The following GBE1 variants were observed in gnomAD, a reference collection of about 807,000 sequenced individuals.
The protein encoded by GBE1 is 1,4-alpha-glucan-branching enzyme.
GBE1 carries 70 observed loss-of-function variants against 88.8 expected under a neutral mutation model. That is an observed-to-expected ratio of 0.79 (90% CI 0.65 to 0.96). The LOEUF (loss-of-function observed/expected upper bound fraction) is 0.96, where lower values mean the gene tolerates loss of function less well. Ranked by LOEUF, GBE1 falls within the 40% of genes least tolerant of loss-of-function variation. The pLI is 0.00. For missense variants in GBE1, 872 were observed against 871.0 expected, an observed-to-expected ratio of 1.00 and a Z score of -0.01; for synonymous variants, 284 against 300.1, an observed-to-expected ratio of 0.95 and a Z score of 0.56.
intron 3 of GBE1, among the ~76,000 whole-genome samples, chr3:81,663,867 G>A (rs1705069479): frequency 6.6e-6 from 1 of 152,130 alleles, no homozygotes; most frequent in Admixed American, 6.5e-5. Context: ...CGCCCTGTGA[G>A]GGGACAAGGG....
intron 2 of GBE1, among the ~76,000 whole-genome samples, chr3:81,672,558 T>G (rs1035371496): frequency 1.3e-5 from 2 of 151,926 alleles, no homozygotes; most frequent in African/African-American, 2.4e-5. Flanking sequence ...ATATGAAACT[T>G]ATTGATACAT....
intron 3 of GBE1, among the ~76,000 whole-genome samples, chr3:81,659,502 A>ATTTTTTTTTTTTTTTTTT (rs35138103): frequency 7.9e-6 from 1 of 127,052 alleles, no homozygotes. Context: ...CGCCCGGCTA[A>ATTTTTTTTTTTTTTTTTT]TTTTTTTTTT....
intron 2 of GBE1, among the ~76,000 whole-genome samples, chr3:81,673,612 G>C (rs936596096): frequency 6.6e-6 from 1 of 151,826 alleles, no homozygotes; most frequent in Non-Finnish European, 1.5e-5. Context: ...TGATGAACTA[G>C]TTCTTTAGCT....
At chr3:81,728,302 A>C (rs182970166) in intron 1 of GBE1, among the ~76,000 whole-genome samples, 33 of 152,320 alleles carry the variant, frequency 2.2e-4, no homozygotes, top group Admixed American at 2.0e-3. Flanking sequence ...ACAAAAACTT[A>C]GTAATTTCTG....
intron 3 of GBE1, among the ~76,000 whole-genome samples, chr3:81,653,559 A>G (rs1576186673): frequency 6.6e-6 from 1 of 152,288 alleles, no homozygotes; most frequent in Non-Finnish European, 1.5e-5. Flanking sequence ...AGCTTGCCTC[A>G]TGGAAACAAT....
chr3:81,707,530 C>T (rs373163668), intron 1 of GBE1, among the ~76,000 whole-genome samples: 2 of 151,556 alleles, frequency 1.3e-5, no homozygotes, highest in East Asian at 1.9e-4. Flanking sequence ...AAATATAGAA[C>T]CTTGGCTAGA....
At chr3:81,604,365 AC>A (rs754732506) in intron 7 of GBE1, among the ~76,000 whole-genome samples, 94 of 141,176 alleles carry the variant, frequency 6.7e-4, no homozygotes, top group Non-Finnish European at 5.7e-4. Context: ...TCATCTCACT[AC>A]ATCCTGGACC....
At position 81,544,694 on chromosome 3, in the gene GBE1, G is replaced by T. The variant is rs1703183152; in HGVS notation, c.1619-7599C>A. On this transcript the variant is annotated intron_variant, in intron 12 of 15. Coordinates refer to ENST00000429644, the MANE Select transcript of GBE1 (RefSeq NM_000158.4). ...TTCCTCCTTACACAGCCCCATTCAT[G>T]TCTGGTTAATTGTGAAAAACCTCTA... 4.6e-5 allele frequency among the ~76,000 whole-genome samples: 7 copies of T among 152,244 alleles called. No individual in the cohort carries two copies. In the South Asian group the frequency reaches 1.5e-3, roughly 32 times the overall value.
At chr3:81,669,606 G>A (rs1301046871) in intron 3 of GBE1, among the ~76,000 whole-genome samples, 1 of 151,414 alleles carries the variant, frequency 6.6e-6, no homozygotes, top group Non-Finnish European at 1.5e-5. Flanking sequence ...TCAAAGAATT[G>A]AGAGTATACA....
chr3:81,528,017 C>T (rs1021988104), intron 14 of GBE1, among the ~76,000 whole-genome samples: 40 of 151,930 alleles, frequency 2.6e-4, no homozygotes, highest in Admixed American at 2.6e-3. Flanking sequence ...CACATAAGCA[C>T]CATGGAATAC....
intron 7 of GBE1, among the ~76,000 whole-genome samples, chr3:81,606,197 TCA>T (rs1353786662): frequency 6.6e-6 from 1 of 152,204 alleles, no homozygotes; most frequent in African/African-American, 2.4e-5. Flanking sequence ...CCCCAAAACA[TCA>T]AGATATCTGA....
intron 14 of GBE1, among the ~76,000 whole-genome samples, chr3:81,518,525 C>A (rs1036636131): frequency 1.3e-5 from 2 of 151,202 alleles, no homozygotes; most frequent in African/African-American, 4.8e-5. Context: ...GTGATTCATC[C>A]CTAATTCCTG....
At chr3:81,706,170 C>T (rs985440471) in intron 1 of GBE1, among the ~76,000 whole-genome samples, 2 of 152,178 alleles carry the variant, frequency 1.3e-5, no homozygotes, top group Non-Finnish European at 2.9e-5. Flanking sequence ...GTGGGTGTGG[C>T]TGTGTTCCAA....
chr3:81,745,360 T>C (rs1706406977), intron 1 of GBE1, among the ~76,000 whole-genome samples: 1 of 152,166 alleles, frequency 6.6e-6, no homozygotes, highest in African/African-American at 2.4e-5. Context: ...CTTACATATT[T>C]ACAGAACAAA....
chr3:81,681,640 A>T (rs1310364058), intron 2 of GBE1, among the ~76,000 whole-genome samples: 3 of 152,228 alleles, frequency 2.0e-5, no homozygotes, highest in Non-Finnish European at 4.4e-5. Context: ...GTCTATGGCC[A>T]ACTGGTTTTC....
At chr3:81,703,529 A>T (rs987850947) in intron 2 of GBE1, among the ~76,000 whole-genome samples, 4 of 151,980 alleles carry the variant, frequency 2.6e-5, no homozygotes, top group Non-Finnish European at 2.9e-5. Flanking sequence ...TGAATTTTAT[A>T]TTTTATTTTA....
Position 81,671,154 on chromosome 3 carries a change from G to A in GBE1, c.314-201C>T, listed in dbSNP as rs1576193723. ...TTATTTATAAAAAATGCATTTTAAAGTGTGCTTTTGCATTTTATAATTAAA... is the reference window on the plus strand; with the variant it reads ...TTATTTATAAAAAATGCATTTTAAAATGTGCTTTTGCATTTTATAATTAAA... On this transcript the variant is annotated intron_variant, in intron 2 of 15. Coordinates refer to ENST00000429644, the MANE Select transcript of GBE1 (RefSeq NM_000158.4). 2.0e-5 allele frequency among the ~76,000 whole-genome samples: 3 copies of A among 152,178 alleles called. No individual in the cohort carries two copies. The East Asian group carries it at 5.8e-4, about 29-fold the overall frequency.
chr3:81,702,611 G>A (rs1705716287), intron 2 of GBE1, among the ~76,000 whole-genome samples: 1 of 151,832 alleles, frequency 6.6e-6, no homozygotes, highest in African/African-American at 2.4e-5. Context: ...CTAAATATTT[G>A]TTGATTGAGA....
At chr3:81,760,519 A>T (rs967011067) in intron 1 of GBE1, among the ~76,000 whole-genome samples, 6 of 152,212 alleles carry the variant, frequency 3.9e-5, no homozygotes, top group Non-Finnish European at 4.4e-5. Context: ...AAACTATTAA[A>T]TCAAAATGGG....
Sources: allele counts gnomAD v4.1 joint callset (sites outside exome capture counted in the v4.1 genomes callset), GRCh38; gene constraint gnomAD v4.1.1; transcripts MANE v1.5; gene names NCBI Gene and HGNC (gene_info 2026-07-23, HGNC 2026-07-21).